The following ATP1B1 variants were observed in gnomAD, a reference collection of about 807,000 sequenced individuals.
ATP1B1 encodes sodium/potassium-transporting ATPase subunit beta-1.
Under a neutral mutation model 39.6 loss-of-function variants are expected in ATP1B1, and 3 were observed. That is an observed-to-expected ratio of 0.08 (90% confidence interval 0.03 to 0.20). ATP1B1 has a LOEUF of 0.20. Ranked by LOEUF, ATP1B1 falls within the 10% of genes least tolerant of loss-of-function variation. The pLI is 1.00. For synonymous variants in ATP1B1, 139 were observed against 135.0 expected, an observed-to-expected ratio of 1.03 and a Z score of -0.20; for missense variants, 216 against 371.1, an observed-to-expected ratio of 0.58 and a Z score of 3.43.
intron 2 of ATP1B1, among the ~76,000 whole-genome samples, chr1:169,118,019 CTATT>C (rs1657887607): frequency 6.6e-6 from 1 of 152,132 alleles, no homozygotes; most frequent in Admixed American, 6.6e-5. Context: ...TAGGATTTAT[CTATT>C]TGTTTATGTT....
rs755922216 is a variant in ATP1B1 at position 169,106,971 on chromosome 1, C to T, written c.97+45C>T. On this transcript the variant is annotated intron_variant, in intron 1 of 5. Transcript: ENST00000367815. ...CTCCCGGCCGCCGCGTCTGATCTTT[C>T]CCGGGCGGCGCATCCCCTGCGCAGG... is the stretch of plus-strand genomic sequence containing the variant. 6 of 1,529,962 alleles carry T rather than the reference C, an allele frequency of 3.9e-6. No individual in the cohort carries two copies. In the African/African-American group the frequency reaches 5.7e-5, roughly 15 times the overall value. 94.8% of individuals were successfully genotyped at this position (1,529,962 alleles called of 1,614,324 possible).
At chr1:169,123,167 G>A (rs950523889) in intron 2 of ATP1B1, among the ~76,000 whole-genome samples, 1 of 152,122 alleles carries the variant, frequency 6.6e-6, no homozygotes, top group Non-Finnish European at 1.5e-5. Flanking sequence ...TTCCACATTC[G>A]TTAACGTCGT....
At chr1:169,117,195 C>T (rs1657869656) in intron 2 of ATP1B1, among the ~76,000 whole-genome samples, 1 of 152,152 alleles carries the variant, frequency 6.6e-6, no homozygotes, top group African/African-American at 2.4e-5. Context: ...TCTCACTTTC[C>T]CTCTCCTCCT....
chr1:169,131,414 C>T lies in ATP1B1; in HGVS notation c.771C>T (p.Pro257=), dbSNP rs1252686242. The T allele has an allele frequency of 5.0e-6, 8 of 1,614,124 alleles. No individual in the cohort carries two copies. Among genetic ancestry groups the T allele is most frequent in the South Asian group, 2.2e-5 (2 of 91,072 alleles). Residue 257 remains proline, a synonymous_variant, in exon 6 of 6, where the codon CCC becomes CCT. Coordinates refer to ENST00000367815, the MANE Select transcript of ATP1B1 (RefSeq NM_001677.4). The surrounding 1 kb of genome is among the most constrained non-coding windows in gnomAD (Gnocchi z 4.4). ...GKLLQPKYLQ[P]LLAVQFTNLT... is the part of the protein sequence containing the mutation. Reference sequence around the variant, plus strand: ...TCCTGCAGCCCAAATACCTGCAGCCCCTGCTGGCCGTACAGTTCACCAATC... The same window carrying T: ...TCCTGCAGCCCAAATACCTGCAGCCTCTGCTGGCCGTACAGTTCACCAATC...
chr1:169,115,069 C>T (rs1273245298), intron 2 of ATP1B1, among the ~76,000 whole-genome samples: 4 of 151,206 alleles, frequency 2.6e-5, no homozygotes, highest in Non-Finnish European at 5.9e-5. Context: ...CCTGTAGTCC[C>T]AGCTACTCGG....
intron 3 of ATP1B1, 93 bp downstream of exon 3, chr1:169,125,132 A>G: frequency 3.5e-6 from 5 of 1,420,910 alleles, no homozygotes; most frequent in Non-Finnish European, 4.7e-6. Flanking sequence ...ATCGAGAGAT[A>G]ATCCTGAAAT....
intron 2 of ATP1B1, among the ~76,000 whole-genome samples, chr1:169,120,096 C>G (rs1024558174): frequency 3.9e-5 from 6 of 152,022 alleles, no homozygotes; most frequent in Admixed American, 2.6e-4. Context: ...AGGAGAAGTT[C>G]TCAGGCCATC....
intron 2 of ATP1B1, among the ~76,000 whole-genome samples, chr1:169,121,067 C>T (rs1472244768): frequency 6.6e-6 from 1 of 151,812 alleles, no homozygotes; most frequent in Non-Finnish European, 1.5e-5. Context: ...CGTGCCTCAG[C>T]CTCCCAAGTA....
In ATP1B1 at chr1:169,132,056, TCAAAGGTAATGGCCCATCGATGAGCA is replaced by T; in HGVS notation, c.*502_*527del. 3.5e-6 allele frequency: 1 copy of T among 282,044 alleles called. No individual in the cohort carries two copies. The allele number at this position is 282,044 out of a possible 1,614,324, so 17.5% of individuals were successfully genotyped here. A position where few individuals can be genotyped will look rare whatever the true frequency, so the allele number is the denominator to read the frequency against. On this transcript the variant is annotated 3_prime_UTR_variant, in exon 6 of 6. Transcript: ENST00000367815. ...TTTTTTTTTTTGTTTTTTGGCTCTT[TCAAAGGTAATGGCCCATCGATGAGCA>T]TTTTTAACATACTCCATAGTCTTTT...
intron 2 of ATP1B1, 144 bp from the exon 3 acceptor site, chr1:169,124,740 G>T: frequency 5.9e-6 from 5 of 841,510 alleles, no homozygotes; most frequent in Non-Finnish European, 9.1e-6. Flanking sequence ...CTAAATGCCA[G>T]AGGAGTGATT....
At chr1:169,118,370 C>T (rs560482020) in intron 2 of ATP1B1, among the ~76,000 whole-genome samples, 1 of 152,140 alleles carries the variant, frequency 6.6e-6, no homozygotes, top group East Asian at 1.9e-4. Flanking sequence ...TTCTGAGTGT[C>T]GGAGGGTGTG....
At chr1:169,116,983 A>G (rs1040503) in intron 2 of ATP1B1, among the ~76,000 whole-genome samples, 79,908 of 152,014 alleles carry the variant, frequency 0.53, 23,710 homozygotes, top group East Asian at 0.89. Context: ...TAATTTTTCC[A>G]CCCCCCGCAA....
At chr1:169,116,916 A>G (rs1380016617) in intron 2 of ATP1B1, among the ~76,000 whole-genome samples, 6 of 152,094 alleles carry the variant, frequency 3.9e-5, no homozygotes, top group Non-Finnish European at 8.8e-5. Flanking sequence ...TTATCATTCT[A>G]TCTCAGCTTG....
chr1:169,120,340 G>T (rs1024922970), intron 2 of ATP1B1, among the ~76,000 whole-genome samples: 1 of 152,128 alleles, frequency 6.6e-6, no homozygotes, highest in Non-Finnish European at 1.5e-5. Context: ...CAAAAGCTCT[G>T]TATCTTAAAT....
At chr1:169,109,195 C>T (rs918953918) in intron 1 of ATP1B1, among the ~76,000 whole-genome samples, 14 of 152,174 alleles carry the variant, frequency 9.2e-5, no homozygotes, top group African/African-American at 3.4e-4. Flanking sequence ...TGGATGCCTG[C>T]CTGTGACCTT....
intron 2 of ATP1B1, among the ~76,000 whole-genome samples, chr1:169,119,478 T>C (rs910120833): frequency 1.3e-5 from 2 of 152,184 alleles, no homozygotes; most frequent in African/African-American, 4.8e-5. Context: ...CTCTGGGAGT[T>C]ACCAGTGCAA....
Position 169,129,941 on chromosome 1 carries a change from G to A in ATP1B1, c.568-69G>A, listed in dbSNP as rs1425984688. On this transcript the variant is annotated intron_variant, in intron 4 of 5. Coordinates refer to ENST00000367815, the MANE Select transcript of ATP1B1 (RefSeq NM_001677.4). The stretch of plus-strand genomic sequence containing the variant: ...AGTGTGTACTTGTTTGGACTACGGA[G>A]TAGTTTTATTTTTCAGAAACTTAAG... 5 of 1,475,676 alleles carry A rather than the reference G, an allele frequency of 3.4e-6. No individual in the cohort carries two copies. The African/African-American group carries it at 4.2e-5, about 12-fold the overall frequency. 91.4% of individuals were successfully genotyped at this position (1,475,676 alleles called of 1,614,324 possible). A position where few individuals can be genotyped will look rare whatever the true frequency, so the allele number is the denominator to read the frequency against.
In ATP1B1 at chr1:169,127,277, C is replaced by A. The variant is rs1658108914; in HGVS notation, c.436C>A (p.Arg146=). 1 of 1,604,496 alleles carries A rather than the reference C, an allele frequency of 6.2e-7. No individual in the cohort carries two copies. Among genetic ancestry groups the A allele is most frequent in the Admixed American group, 1.7e-5 (1 of 57,970 alleles). ...RGDFNHERGE[R]KVCRFKLEWL... is the part of the protein sequence containing the mutation. ...AGACTTTAATCATGAACGAGGAGAG[C>A]GAAAGGTCTGCAGATTCAAGCTTGA... Residue 146 remains arginine (R), a synonymous_variant, in exon 4 of 6, where the codon CGA becomes AGA. Transcript: ENST00000367815.
chr1:169,113,755 C>G (rs954187076), intron 2 of ATP1B1, among the ~76,000 whole-genome samples: 1 of 152,226 alleles, frequency 6.6e-6, no homozygotes, highest in Non-Finnish European at 1.5e-5. Flanking sequence ...CTGACAAACC[C>G]TGACTTCTCC....
Sources: allele counts gnomAD v4.1 joint callset (sites outside exome capture counted in the v4.1 genomes callset), GRCh38; gene constraint gnomAD v4.1.1; non-coding constraint Gnocchi (gnomAD v3.1); transcripts MANE v1.5; gene names NCBI Gene and HGNC (gene_info 2026-07-23, HGNC 2026-07-21).